RRBP1: variants seen among roughly 807,000 people sequenced by gnomAD.
The protein encoded by RRBP1 is ribosome-binding protein 1.
RRBP1 carries 94 observed loss-of-function variants against 165.2 expected under a neutral mutation model. The observed-to-expected ratio is 0.57, with a 90% CI of 0.48 to 0.68. The LOEUF (loss-of-function observed/expected upper bound fraction) is 0.68, where lower values mean the gene tolerates loss of function less well. Ranked by LOEUF, RRBP1 falls within the 30% of genes least tolerant of loss-of-function variation. The pLI is 0.00. For synonymous variants in RRBP1, 680 were observed against 714.5 expected, an observed-to-expected ratio of 0.95 and a Z score of 0.77; for missense variants, 1,676 against 1,763.0, an observed-to-expected ratio of 0.95 and a Z score of 0.88.
chr20:17,634,157 G>A (rs992585447), intron 7 of RRBP1, among the ~76,000 whole-genome samples: 24 of 152,228 alleles, frequency 1.6e-4, no homozygotes, highest in African/African-American at 5.8e-4. Context: ...AGACTTAAAG[G>A]AAAAGGGGGC....
chr20:17,616,649 G>C, intron 21 of RRBP1, 83 bp downstream of exon 21: 2 of 893,584 alleles, frequency 2.2e-6, no homozygotes, highest in South Asian at 3.0e-5. Flanking sequence ...CAGCCAGTGC[G>C]GGGTTTAGTC....
Position 17,620,300 on chromosome 20 carries a change from T to C in RRBP1, c.3578A>G (p.Gln1193Arg), listed in dbSNP as rs777947139. ...KLKGELESSD[Q>R]VREHTSHLEA... ...GAGTTCTCTGAGCAGAGCACATACCTGGTCCGAACTTTCAAGTTCTCCTTT... is the reference window on the plus strand; with the variant it reads ...GAGTTCTCTGAGCAGAGCACATACCCGGTCCGAACTTTCAAGTTCTCCTTT... The change falls in exon 18 of 25, where the codon CAG becomes CGG. Residue 1193 changes from glutamine to arginine, a missense_variant and splice_region_variant. Transcript: ENST00000377813. 3 of 1,611,652 alleles carry C rather than the reference T, an allele frequency of 1.9e-6. No homozygotes were observed. The highest frequency in any genetic ancestry group is 2.5e-6 in the Non-Finnish European group (3 of 1,177,860).
Position 17,643,480 on chromosome 20 carries a change from C to T in RRBP1, c.1913-353G>A, listed in dbSNP as rs1169895239. ...GCTTTTCTCCCTTCCTTTTTTTTCT[C>T]GCAAATGCACTGGTCCTGTTCTCAA... is the stretch of plus-strand genomic sequence containing the variant. On this transcript the variant is annotated intron_variant, in intron 3 of 24. Coordinates refer to ENST00000377813, the MANE Select transcript of RRBP1 (RefSeq NM_001365613.2). The surrounding 1 kb of genome is among the most constrained non-coding windows in gnomAD (Gnocchi z 4.3). 6.6e-6 allele frequency among the ~76,000 whole-genome samples: 1 copy of T among 151,294 alleles called. No individual in the cohort carries two copies. Among genetic ancestry groups the T allele is most frequent in the Non-Finnish European group, 1.5e-5 (1 of 67,822 alleles).
chr20:17,619,876 G>A, intron 18 of RRBP1, 148 bp from the exon 19 acceptor site: 1 of 575,874 alleles, frequency 1.7e-6, no homozygotes, highest in Non-Finnish European at 3.1e-6. Flanking sequence ...CGAGAAACTA[G>A]TCCGCGGCAA....
intron 3 of RRBP1, 36 bp downstream of exon 3, chr20:17,658,560 T>C (rs2036687453): frequency 2.0e-6 from 3 of 1,526,634 alleles, no homozygotes; most frequent in Non-Finnish European, 1.8e-6. Flanking sequence ...AAAGACAGCC[T>C]TTCCTTCTAA....
Position 17,614,162 on chromosome 20 carries a change from T to G in RRBP1, c.*20A>C. On this transcript the variant is annotated 3_prime_UTR_variant, in exon 25 of 25. Transcript: ENST00000377813. Reference sequence around the variant, plus strand: ...CATTTTGGTAAGTTGAACAGTAACTTCTTTTTCCAAAGAGGAAACTCAGAC... The same window carrying G: ...CATTTTGGTAAGTTGAACAGTAACTGCTTTTTCCAAAGAGGAAACTCAGAC... 4 of 1,613,534 alleles carry G rather than the reference T, an allele frequency of 2.5e-6. No homozygotes were observed. Among genetic ancestry groups the G allele is most frequent in the Non-Finnish European group, 3.4e-6 (4 of 1,179,514 alleles).
At chr20:17,652,714 C>T (rs2036580023) in intron 3 of RRBP1, among the ~76,000 whole-genome samples, 1 of 152,176 alleles carries the variant, frequency 6.6e-6, no homozygotes, top group South Asian at 2.1e-4. Context: ...AGCTCAGCCC[C>T]AGCAGAGGGG....
At chr20:17,638,011 G>A (rs897496749) in intron 5 of RRBP1, among the ~76,000 whole-genome samples, 8 of 152,168 alleles carry the variant, frequency 5.3e-5, no homozygotes, top group South Asian at 2.1e-4. Context: ...AGGCAGGGGT[G>A]GGGCCCAAAC....
chr20:17,618,399 C>A (rs941602589), intron 20 of RRBP1, among the ~76,000 whole-genome samples, 197 bp downstream of exon 20: 1 of 152,216 alleles, frequency 6.6e-6, no homozygotes, highest in Non-Finnish European at 1.5e-5. Flanking sequence ...GTCCCAACAG[C>A]CACAGGCCCA....
intron 2 of RRBP1, among the ~76,000 whole-genome samples, chr20:17,663,581 C>T (rs909525832): frequency 1.1e-4 from 17 of 152,196 alleles, no homozygotes; most frequent in Admixed American, 1.1e-3. Flanking sequence ...ACATTTAAGG[C>T]TAAGGCAATA....
chr20:17,647,037 G>A (rs1485581472), intron 3 of RRBP1, among the ~76,000 whole-genome samples: 1 of 152,222 alleles, frequency 6.6e-6, no homozygotes, highest in African/African-American at 2.4e-5. Flanking sequence ...GTTAATAGGA[G>A]GGGATTATCG....
intron 15 of RRBP1, 39 bp from the exon 16 acceptor site, chr20:17,621,586 C>A (rs923395346): frequency 6.3e-7 from 1 of 1,596,306 alleles, no homozygotes; most frequent in Non-Finnish European, 8.6e-7. Context: ...TAGCCACACA[C>A]AAAGGTTCTT....
In RRBP1 at chr20:17,643,469, CT is replaced by C. The variant is rs374856833; in HGVS notation, c.1913-343del. Among the ~76,000 whole-genome samples the C allele has an allele frequency of 9.9e-5, 15 of 151,890 alleles. No homozygotes were observed. The highest frequency in any genetic ancestry group is 3.6e-4 in the African/African-American group (15 of 41,312). ...TTTTTCCATAGGCTTTTCTCCCTTC[CT>C]TTTTTTTCTCGCAAATGCACTGGTC... On this transcript the variant is annotated intron_variant, in intron 3 of 24. Coordinates refer to ENST00000377813, the MANE Select transcript of RRBP1 (RefSeq NM_001365613.2). This position sits in a 1 kb window ranked among gnomAD's most constrained non-coding sequence, Gnocchi z 4.3.
chr20:17,644,996 G>C (rs2036436706), intron 3 of RRBP1, among the ~76,000 whole-genome samples: 1 of 152,166 alleles, frequency 6.6e-6, no homozygotes, highest in Non-Finnish European at 1.5e-5. Context: ...GTTTCTCCTG[G>C]ACTGGCTGGC....
intron 2 of RRBP1, among the ~76,000 whole-genome samples, chr20:17,672,984 G>A (rs2037006649): frequency 6.6e-6 from 1 of 152,196 alleles, no homozygotes; most frequent in South Asian, 2.1e-4. Context: ...ATGGGCAGCA[G>A]CTGGAAGAGG....
At chr20:17,627,078 A>G (rs1457943372) in intron 11 of RRBP1, among the ~76,000 whole-genome samples, 1 of 152,166 alleles carries the variant, frequency 6.6e-6, no homozygotes, top group Non-Finnish European at 1.5e-5. Context: ...AGGTGGATGG[A>G]CGGACGGCAG....
At chr20:17,626,709 G>C (rs1030516055) in intron 11 of RRBP1, among the ~76,000 whole-genome samples, 1 of 152,216 alleles carries the variant, frequency 6.6e-6, no homozygotes, top group Non-Finnish European at 1.5e-5. Flanking sequence ...AGCCCCAGAA[G>C]TGATGGTCAC....
At chr20:17,675,847 A>C (rs953934351) in intron 2 of RRBP1, among the ~76,000 whole-genome samples, 2 of 152,158 alleles carry the variant, frequency 1.3e-5, no homozygotes, top group Non-Finnish European at 2.9e-5. Context: ...CTGGCAACAG[A>C]CTAGAAGGCA....
chr20:17,665,829 T>C (rs2036858669), intron 2 of RRBP1, among the ~76,000 whole-genome samples: 1 of 152,232 alleles, frequency 6.6e-6, no homozygotes, highest in Non-Finnish European at 1.5e-5. Context: ...CAAAAGACTT[T>C]GGTAATGCAT....
Sources: gnomAD v4.1 joint callset for allele counts (sites outside exome capture counted in the v4.1 genomes callset) on GRCh38, gnomAD v4.1.1 for gene constraint, Gnocchi (gnomAD v3.1) non-coding constraint, MANE v1.5 for transcripts, NCBI Gene and HGNC (gene_info 2026-07-23, HGNC 2026-07-21) for gene names.